NEO1: variants seen among roughly 807,000 people sequenced by gnomAD.
NEO1 encodes the protein neogenin.
Under a neutral mutation model 159.7 loss-of-function variants are expected in NEO1, and 63 were observed. The observed-to-expected ratio is 0.39, with a 90% CI of 0.32 to 0.49. The LOEUF is 0.49. Among genes scored for constraint, NEO1 ranks in the 20% least tolerant of loss-of-function variants. NEO1 has a pLI of 0.85. For synonymous variants in NEO1, 633 were observed against 662.0 expected, an observed-to-expected ratio of 0.96 and a Z score of 0.67; for missense variants, 1,615 against 1,831.0, an observed-to-expected ratio of 0.88 and a Z score of 2.15.
At chr15:73,081,043 T>C (rs918786720) in intron 1 of NEO1, among the ~76,000 whole-genome samples, 1 of 152,214 alleles carries the variant, frequency 6.6e-6, no homozygotes, top group Non-Finnish European at 1.5e-5. Context: ...TGACTTGAGA[T>C]TAAAGTCTTT....
Position 73,194,233 on chromosome 15 carries a change from A to G in NEO1, c.1291+15806A>G, listed in dbSNP as rs563717824. On this transcript the variant is annotated intron_variant, in intron 7 of 28. Coordinates refer to ENST00000261908, the MANE Select transcript of NEO1 (RefSeq NM_002499.4). ...GTCCTACCATTTAGAAGGATTTTGTACCAAATCAGATGTGATGTTTAAGGC... is the reference window on the plus strand; with the variant it reads ...GTCCTACCATTTAGAAGGATTTTGTGCCAAATCAGATGTGATGTTTAAGGC... Among the ~76,000 whole-genome samples, 26 of 152,310 alleles carry G rather than the reference A, an allele frequency of 1.7e-4. No homozygotes were observed. In the South Asian group the frequency reaches 5.4e-3, roughly 32 times the overall value.
intron 1 of NEO1, among the ~76,000 whole-genome samples, chr15:73,060,897 G>A (rs1311142768): frequency 6.6e-6 from 1 of 152,056 alleles, no homozygotes; most frequent in African/African-American, 2.4e-5. Context: ...CAATCTACCC[G>A]CCTCAGCCTC....
At chr15:73,122,828 T>G (rs1318024853) in intron 3 of NEO1, 28 bp downstream of exon 3, 1 of 1,609,150 alleles carries the variant, frequency 6.2e-7, no homozygotes, top group Non-Finnish European at 8.5e-7. Flanking sequence ...GGACTGATGG[T>G]TTTATGTTTA....
chr15:73,172,828 G>C (rs1007558646), intron 5 of NEO1, among the ~76,000 whole-genome samples: 1 of 152,150 alleles, frequency 6.6e-6, no homozygotes, highest in Admixed American at 6.6e-5. Context: ...AACATTAGTT[G>C]CTTCAGATTA....
intron 20 of NEO1, 35 bp from the exon 21 acceptor site, chr15:73,274,657 T>C (rs2041322036): frequency 1.2e-6 from 2 of 1,611,700 alleles, no homozygotes; most frequent in Admixed American, 1.7e-5. Flanking sequence ...TGATCCTTGC[T>C]CTTGTTTTTT....
chr15:73,054,159 G>A (rs2067592997), intron 1 of NEO1, among the ~76,000 whole-genome samples: 1 of 152,180 alleles, frequency 6.6e-6, no homozygotes, highest in Non-Finnish European at 1.5e-5. Flanking sequence ...TGATCCAACT[G>A]TCTCTTAGAT....
intron 7 of NEO1, among the ~76,000 whole-genome samples, chr15:73,196,655 T>A (rs2036547381): frequency 1.3e-5 from 2 of 152,222 alleles, no homozygotes; most frequent in African/African-American, 2.4e-5. Context: ...TAGAGTAGCT[T>A]TGAATAATTT....
chr15:73,261,192 G>A (rs2040604898), intron 15 of NEO1, among the ~76,000 whole-genome samples: 1 of 151,772 alleles, frequency 6.6e-6, no homozygotes, highest in African/African-American at 2.4e-5. Context: ...TATTTCACTA[G>A]CCTCGGCCCT....
chr15:73,257,132 C>CAAA lies in NEO1; in HGVS notation c.2093-1615_2093-1613dup, dbSNP rs10623334. On this transcript the variant is annotated intron_variant, in intron 13 of 28. Transcript: ENST00000261908. ...GGGCAACAGAGAGAGACTCTGTCTC[C>CAAA]AAAAAAAAAAAAAAAAAAAAAGTTT... 9.3e-4 allele frequency among the ~76,000 whole-genome samples: 51 copies of CAAA among 54,766 alleles called. 9 individuals carry two copies. Among genetic ancestry groups the CAAA allele is most frequent in the South Asian group, 1.6e-3 (1 of 630 alleles). 35.9% of individuals were successfully genotyped at this position (54,766 alleles called of 152,430 possible).
chr15:73,064,934 C>T (rs1486875478), intron 1 of NEO1, among the ~76,000 whole-genome samples: 1 of 151,986 alleles, frequency 6.6e-6, no homozygotes, highest in Non-Finnish European at 1.5e-5. Context: ...ACTGCTTATT[C>T]TGTATTCCCC....
chr15:73,236,125 A>G (rs1185035714), intron 7 of NEO1, among the ~76,000 whole-genome samples: 3 of 152,114 alleles, frequency 2.0e-5, no homozygotes, highest in Non-Finnish European at 2.9e-5. Context: ...CCTGGCCTGC[A>G]TGTTAGCCTT....
At chr15:73,300,970 C>T (rs958749364) in intron 27 of NEO1, among the ~76,000 whole-genome samples, 6 of 152,156 alleles carry the variant, frequency 3.9e-5, no homozygotes, top group Non-Finnish European at 7.4e-5. Flanking sequence ...CCCACTATTG[C>T]CTTTGTATCC....
intron 7 of NEO1, among the ~76,000 whole-genome samples, chr15:73,179,022 A>G (rs2035446117): frequency 6.6e-6 from 1 of 152,220 alleles, no homozygotes; most frequent in Admixed American, 6.5e-5. Context: ...CCAGAATACA[A>G]TTAATTTACC....
chr15:73,176,620 A>G, intron 6 of NEO1, 63 bp downstream of exon 6: 3 of 1,311,904 alleles, frequency 2.3e-6, no homozygotes, highest in Non-Finnish European at 3.1e-6. Flanking sequence ...AAATGTAGTC[A>G]CCGAGAGATC....
chr15:73,298,335 T>C lies in NEO1; in HGVS notation c.3902-13T>C, dbSNP rs2042460596. On this transcript the variant is annotated splice_polypyrimidine_tract_variant and intron_variant, in intron 26 of 28. Coordinates refer to ENST00000261908, the MANE Select transcript of NEO1 (RefSeq NM_002499.4). ...GCAAAAGAAATGCTAACATTTAGAC[T>C]TTCCTGCTGTAGAATCCGTTCGAAA... 1 of 1,612,986 alleles carries C rather than the reference T, an allele frequency of 6.2e-7. No individual in the cohort carries two copies.
intron 7 of NEO1, among the ~76,000 whole-genome samples, chr15:73,232,175 C>G (rs1245886379): frequency 6.6e-6 from 1 of 152,172 alleles, no homozygotes; most frequent in African/African-American, 2.4e-5. Context: ...TGGATTCTGA[C>G]TCTTCCTCCC....
chr15:73,273,404 CTT>C (rs1428583687), intron 19 of NEO1, among the ~76,000 whole-genome samples: 2 of 152,210 alleles, frequency 1.3e-5, no homozygotes, highest in African/African-American at 4.8e-5. Context: ...GACTTTGCCT[CTT>C]TTGTGAAAGA....
At chr15:73,286,623 C>G (rs757325533) in intron 23 of NEO1, among the ~76,000 whole-genome samples, 6 of 152,224 alleles carry the variant, frequency 3.9e-5, no homozygotes, top group Non-Finnish European at 5.9e-5. Context: ...TCTACATTTC[C>G]TCTTGAATGT....
chr15:73,178,014 C>T (rs1213884639), intron 6 of NEO1, among the ~76,000 whole-genome samples: 5 of 152,098 alleles, frequency 3.3e-5, no homozygotes, highest in Non-Finnish European at 7.4e-5. Flanking sequence ...GTTGGTATTG[C>T]GTGCCAGATC....
Sources: allele counts gnomAD v4.1 joint callset (sites outside exome capture counted in the v4.1 genomes callset), GRCh38; gene constraint gnomAD v4.1.1; transcripts MANE v1.5; gene names NCBI Gene and HGNC (gene_info 2026-07-23, HGNC 2026-07-21).